SBF2: variants seen among roughly 807,000 people sequenced by gnomAD.
SBF2 encodes the protein myotubularin-related protein 13.
In SBF2, 112 loss-of-function variants were observed where a neutral mutation model predicts 225.2. The observed-to-expected ratio is 0.50, with a 90% CI of 0.43 to 0.58. The LOEUF is 0.58. SBF2 is among the 20% of genes least tolerant of loss of function. SBF2 has a pLI of 0.00. For missense variants in SBF2, 1,996 were observed against 2,206.2 expected, an observed-to-expected ratio of 0.90 and a Z score of 1.91; for synonymous variants, 763 against 773.3, an observed-to-expected ratio of 0.99 and a Z score of 0.22.
intron 1 of SBF2, among the ~76,000 whole-genome samples, chr11:10,216,667 C>T (rs1169934236): frequency 4.6e-5 from 7 of 152,092 alleles, no homozygotes; most frequent in Non-Finnish European, 1.0e-4. Flanking sequence ...GTCAAGAGTT[C>T]GAGACCAGCC....
intron 1 of SBF2, among the ~76,000 whole-genome samples, chr11:10,237,809 C>T (rs1488810139): frequency 1.3e-5 from 2 of 152,146 alleles, no homozygotes; most frequent in Non-Finnish European, 2.9e-5. Flanking sequence ...CACCACTGAT[C>T]GGCCTTCTGT....
chr11:10,001,248 C>T (rs2134508068), intron 7 of SBF2, among the ~76,000 whole-genome samples: 1 of 152,174 alleles, frequency 6.6e-6, no homozygotes, highest in Admixed American at 6.5e-5. Flanking sequence ...AGCCTGCTTC[C>T]TTAACCTTTG....
intron 22 of SBF2, among the ~76,000 whole-genome samples, chr11:9,848,430 A>C (rs1001578257): frequency 6.6e-6 from 1 of 152,266 alleles, no homozygotes; most frequent in Non-Finnish European, 1.5e-5. Context: ...AAATTAATTC[A>C]AAATTTGAAA....
intron 2 of SBF2, among the ~76,000 whole-genome samples, chr11:10,151,332 T>G (rs1299730641): frequency 6.6e-6 from 1 of 152,204 alleles, no homozygotes; most frequent in African/African-American, 2.4e-5. Flanking sequence ...CAAGGTTCCA[T>G]ATATCCATTG....
At chr11:10,061,902 A>G (rs934700526) in intron 2 of SBF2, among the ~76,000 whole-genome samples, 5 of 152,222 alleles carry the variant, frequency 3.3e-5, no homozygotes, top group African/African-American at 1.2e-4. Flanking sequence ...CTCAGCAAAA[A>G]GAGCAAAGCT....
intron 30 of SBF2, among the ~76,000 whole-genome samples, chr11:9,811,756 G>C (rs1467262600): frequency 6.6e-6 from 1 of 151,764 alleles, no homozygotes; most frequent in African/African-American, 2.4e-5. Context: ...TGTGCTGTGG[G>C]AAACAAGAGG....
intron 13 of SBF2, among the ~76,000 whole-genome samples, chr11:9,974,526 A>G (rs1336745821): frequency 1.3e-5 from 2 of 151,944 alleles, no homozygotes. Context: ...ACAAGTACGA[A>G]GGCAACATAC....
intron 6 of SBF2, among the ~76,000 whole-genome samples, chr11:10,019,672 G>T (rs143023348): frequency 1.3e-5 from 2 of 150,720 alleles, no homozygotes; most frequent in Non-Finnish European, 2.9e-5. Context: ...AAAAAAAGAC[G>T]ACTTCATTTT....
intron 2 of SBF2, among the ~76,000 whole-genome samples, chr11:10,096,266 A>C (rs1171330591): frequency 6.6e-6 from 1 of 152,166 alleles, no homozygotes; most frequent in Non-Finnish European, 1.5e-5. Context: ...CAAAGATTTA[A>C]AATCAAAACT....
chr11:10,043,925 T>G (rs1260530296), intron 2 of SBF2, among the ~76,000 whole-genome samples: 1 of 152,070 alleles, frequency 6.6e-6, no homozygotes, highest in Non-Finnish European at 1.5e-5. Flanking sequence ...CAAGAGAAAT[T>G]TAAAAAATAT....
At chr11:10,105,512 A>G (rs1952508185) in intron 2 of SBF2, among the ~76,000 whole-genome samples, 1 of 152,242 alleles carries the variant, frequency 6.6e-6, no homozygotes, top group African/African-American at 2.4e-5. Context: ...TTCTTGTACA[A>G]TGTAAACATG....
At chr11:9,830,243 A>G (rs1306549583) in intron 27 of SBF2, among the ~76,000 whole-genome samples, 3 of 152,250 alleles carry the variant, frequency 2.0e-5, no homozygotes, top group Non-Finnish European at 4.4e-5. Flanking sequence ...ACAGATATTC[A>G]TAAATTTTCT....
At chr11:9,830,503 G>C (rs1855322888) in intron 27 of SBF2, among the ~76,000 whole-genome samples, 1 of 152,108 alleles carries the variant, frequency 6.6e-6, no homozygotes, top group Non-Finnish European at 1.5e-5. Flanking sequence ...ACTTAGGAAG[G>C]CTGAGGCAGG....
At chr11:10,145,656 T>G (rs1489525221) in intron 2 of SBF2, among the ~76,000 whole-genome samples, 2 of 152,210 alleles carry the variant, frequency 1.3e-5, no homozygotes, top group African/African-American at 4.8e-5. Flanking sequence ...TAATATAACC[T>G]TCCATTTAAT....
At chr11:10,107,450 T>C (rs1356383619) in intron 2 of SBF2, among the ~76,000 whole-genome samples, 1 of 152,178 alleles carries the variant, frequency 6.6e-6, no homozygotes, top group Non-Finnish European at 1.5e-5. Flanking sequence ...TTCTATACAA[T>C]ACAAACTGAT....
intron 18 of SBF2, among the ~76,000 whole-genome samples, chr11:9,857,971 T>C (rs528618096): frequency 5.6e-4 from 85 of 152,324 alleles, no homozygotes; most frequent in African/African-American, 1.9e-3. Flanking sequence ...CAACTTCCTA[T>C]AGTCATTTCC....
At chr11:9,827,296 G>C (rs531782051) in intron 28 of SBF2, among the ~76,000 whole-genome samples, 61 of 152,298 alleles carry the variant, frequency 4.0e-4, no homozygotes, top group African/African-American at 1.3e-3. Context: ...GGGAAGCCCA[G>C]GTGGGAGGAC....
intron 5 of SBF2, 32 bp from the exon 6 acceptor site, chr11:10,028,589 C>T: frequency 2.3e-6 from 3 of 1,332,266 alleles, no homozygotes; most frequent in Non-Finnish European, 3.2e-6. Flanking sequence ...AACACACACA[C>T]ACACGATTTC....
chr11:9,896,217 T>A (rs1861242404), intron 16 of SBF2, among the ~76,000 whole-genome samples: 1 of 152,222 alleles, frequency 6.6e-6, no homozygotes, highest in African/African-American at 2.4e-5. Flanking sequence ...AAAAACTGTG[T>A]GTGAAGCACA....
Sources: gnomAD v4.1 joint callset for allele counts (sites outside exome capture counted in the v4.1 genomes callset) on GRCh38, gnomAD v4.1.1 for gene constraint, MANE v1.5 for transcripts, NCBI Gene and HGNC (gene_info 2026-07-23, HGNC 2026-07-21) for gene names.